Variants in CCDC82 observed in about 807,000 individuals in gnomAD.
CCDC82 encodes the protein coiled-coil domain containing 82, also known as coiled-coil domain-containing protein 82.
In CCDC82, 47 loss-of-function variants were observed where a neutral mutation model predicts 60.6. The observed-to-expected ratio is 0.77, with a 90% CI of 0.61 to 0.99. The LOEUF is 0.99. Among genes scored for constraint, CCDC82 ranks in the 50% least tolerant of loss-of-function variants. CCDC82 has a pLI of 0.00. For missense variants in CCDC82, 588 were observed against 633.0 expected (o/e 0.93, Z 0.76); for synonymous variants, 212 against 207.4 (o/e 1.02, Z -0.19).
chr11:96,382,836 G>A (rs537920727), intron 5 of CCDC82: 1 of 153,814 alleles, frequency 6.5e-6, no homozygotes, highest in Admixed American at 6.5e-5. Flanking sequence ...GCAGATATAA[G>A]AATCTAGCTG....
chr11:96,363,490 G>A (rs1191450166), intron 8 of CCDC82: 3 of 151,964 alleles, frequency 2.0e-5, no homozygotes, highest in South Asian at 2.1e-4. Context: ...AGTTATATAC[G>A]CATACACACA....
At chr11:96,356,975 T>C in intron 9 of CCDC82, 4 of 985,414 alleles carry the variant, frequency 4.1e-6, no homozygotes, top group Non-Finnish European at 4.8e-6. Flanking sequence ...ATGGGAAATA[T>C]GAGCGGAAAG....
intron 9 of CCDC82, chr11:96,357,598 T>G (rs1299719366): frequency 2.0e-6 from 2 of 983,462 alleles, no homozygotes; most frequent in Admixed American, 6.2e-5. Flanking sequence ...AGTTTAAAGT[T>G]CTTCCCCATA....
At chr11:96,370,732 A>G (rs1865216835) in intron 7 of CCDC82, among the ~76,000 whole-genome samples, 1 of 152,222 alleles carries the variant, frequency 6.6e-6, no homozygotes, top group Non-Finnish European at 1.5e-5. Flanking sequence ...TTTCTGACAT[A>G]ACAACACCGT....
At chr11:96,359,265 G>GC in intron 8 of CCDC82, 87 bp from the exon 9 acceptor site, 1 of 1,030,764 alleles carries the variant, frequency 9.7e-7, no homozygotes, top group Non-Finnish European at 1.4e-6. Flanking sequence ...GAATCAAAAT[G>GC]CATTATTAAC....
intron 7 of CCDC82, 30 bp downstream of exon 7, chr11:96,370,983 C>T (rs770262215): frequency 4.0e-6 from 6 of 1,487,166 alleles, no homozygotes; most frequent in Admixed American, 4.5e-5. Context: ...CCCCAACCCC[C>T]AAGCAGAGAT....
intron 8 of CCDC82, among the ~76,000 whole-genome samples, chr11:96,361,158 T>C (rs1053141860): frequency 6.6e-6 from 1 of 152,218 alleles, no homozygotes; most frequent in African/African-American, 2.4e-5. Flanking sequence ...TGTGTCTCCA[T>C]TTCTGCCATC....
At chr11:96,374,553 T>C (rs1252655647) in intron 5 of CCDC82, among the ~76,000 whole-genome samples, 1 of 152,228 alleles carries the variant, frequency 6.6e-6, no homozygotes, top group Non-Finnish European at 1.5e-5. Flanking sequence ...AGCCTTTAGA[T>C]GGCCTATGAT....
At chr11:96,374,502 A>G (rs1447073844) in intron 5 of CCDC82, among the ~76,000 whole-genome samples, 1 of 152,230 alleles carries the variant, frequency 6.6e-6, no homozygotes, top group Non-Finnish European at 1.5e-5. Context: ...AAAATAAAGT[A>G]ATACTAAAAA....
rs376459924 is a variant in CCDC82, at chr11:96,358,084, T to A, written c.1566+909A>T. The A allele has an allele frequency of 5.2e-3, 5,167 of 985,474 alleles. 15 individuals are homozygous for A. Among genetic ancestry groups the A allele is most frequent in the South Asian group, 8.4e-3 (179 of 21,284 alleles). The allele number at this position is 985,474 out of a possible 1,614,324, so 61.0% of individuals were successfully genotyped here. ...AAGTTTCTGTTTTGTTTTCTTTCCA[T>A]CTGCCTAAGCTCTCTTGCCTTATTT... On this transcript the variant is annotated intron_variant, in intron 9 of 9. Coordinates refer to ENST00000646818, the MANE Select transcript of CCDC82 (RefSeq NM_024725.4).
intron 9 of CCDC82, chr11:96,357,762 T>G (rs1368749280): frequency 1.0e-6 from 1 of 985,228 alleles, no homozygotes; most frequent in Non-Finnish European, 1.2e-6. Context: ...CTTAAGAATT[T>G]AATGTTGTCT....
Position 96,365,122 on chromosome 11 carries a change from C to CTAA in CCDC82, c.1237_1238insTTA (p.Val412_Ser413insIle), listed in dbSNP as rs1199500116. The CTAA allele has an allele frequency of 7.6e-6, 12 of 1,585,250 alleles. No homozygotes were observed. The highest frequency in any genetic ancestry group is 1.0e-5 in the Non-Finnish European group (12 of 1,166,396). On this transcript the variant is annotated inframe_insertion, in exon 8 of 10. Transcript: ENST00000646818. ...GTTTTCAGGATTCTTCAAATGAATA[C>CTAA]TTACATTAGAATAATTTTCTACTCG...
At chr11:96,372,722 A>ATATATAAATATATAAATATACGTATATT (rs1402637892) in intron 6 of CCDC82, among the ~76,000 whole-genome samples, 3 of 141,210 alleles carry the variant, frequency 2.1e-5, no homozygotes, top group African/African-American at 8.3e-5. Context: ...ATATATATTT[A>ATATATAAATATATAAATATACGTATATT]TATATATAAA....
chr11:96,384,975 G>A (rs965160133), intron 3 of CCDC82: 3 of 410,932 alleles, frequency 7.3e-6, no homozygotes, highest in Non-Finnish European at 1.3e-5. Context: ...TCTGAATTAC[G>A]TTGTATGTTG....
intron 5 of CCDC82, among the ~76,000 whole-genome samples, chr11:96,374,032 C>G (rs1304851591): frequency 6.6e-6 from 1 of 152,194 alleles, no homozygotes; most frequent in African/African-American, 2.4e-5. Flanking sequence ...TCCTCGCTAA[C>G]CAAATCTCAC....
intron 8 of CCDC82, among the ~76,000 whole-genome samples, chr11:96,360,317 C>G (rs1236644360): frequency 6.6e-6 from 1 of 151,024 alleles, no homozygotes; most frequent in Non-Finnish European, 1.5e-5. Flanking sequence ...CTCAGCCTCC[C>G]AAGTAGCTGG....
At chr11:96,367,414 A>G (rs1001257403) in intron 7 of CCDC82, among the ~76,000 whole-genome samples, 1 of 152,246 alleles carries the variant, frequency 6.6e-6, no homozygotes, top group African/African-American at 2.4e-5. Context: ...CAATGTTTGT[A>G]GTATCTTTCC....
intron 5 of CCDC82, chr11:96,382,306 C>T (rs982877859): frequency 3.3e-5 from 5 of 151,752 alleles, no homozygotes; most frequent in African/African-American, 9.7e-5. Context: ...AAGAACAATT[C>T]GGTGTTTTGT....
At chr11:96,367,508 C>A (rs1396634348) in intron 7 of CCDC82, among the ~76,000 whole-genome samples, 1 of 152,204 alleles carries the variant, frequency 6.6e-6, no homozygotes, top group Non-Finnish European at 1.5e-5. Context: ...CAATTTTTAT[C>A]ATGAGATTGC....
Sources: gnomAD v4.1 joint callset for allele counts (sites outside exome capture counted in the v4.1 genomes callset) on GRCh38, gnomAD v4.1.1 for gene constraint, MANE v1.5 for transcripts, NCBI Gene and HGNC (gene_info 2026-07-23, HGNC 2026-07-21) for gene names.